The following CUBN variants were observed in gnomAD, a reference collection of about 807,000 sequenced individuals.
CUBN encodes the protein 460 kDa receptor.
CUBN carries 282 observed loss-of-function variants against 405.3 expected under a neutral mutation model. The ratio of observed to expected loss-of-function variants is 0.70; its 90% confidence interval spans 0.63 to 0.77. The LOEUF (loss-of-function observed/expected upper bound fraction) is 0.77. Ranked by LOEUF, CUBN falls within the 30% of genes least tolerant of loss-of-function variation. The probability of loss-of-function intolerance (pLI) is 0.00; values close to 1 mark genes in which losing one functional copy is unlikely to be tolerated. For synonymous variants in CUBN, 1,684 were observed against 1,617.0 expected (o/e 1.04, Z -0.99); for missense variants, 4,514 against 4,475.2 (o/e 1.01, Z -0.25).
At chr10:16,928,532 C>CCCCTTT (rs1403918589) in intron 40 of CUBN, among the ~76,000 whole-genome samples, 336 of 107,042 alleles carry the variant, frequency 3.1e-3, no homozygotes, top group Non-Finnish European at 3.9e-3. Context: ...CCACCCCCCC[C>CCCCTTT]TTTTTTTTTT....
intron 13 of CUBN, among the ~76,000 whole-genome samples, chr10:17,102,249 C>T (rs1458586235): frequency 7.3e-6 from 1 of 137,796 alleles, no homozygotes; most frequent in Non-Finnish European, 1.6e-5. Context: ...AAAGGAGGAT[C>T]CTCCTATTTA....
chr10:16,891,151 G>C (rs1429439303), intron 54 of CUBN, among the ~76,000 whole-genome samples: 1 of 152,164 alleles, frequency 6.6e-6, no homozygotes, highest in Non-Finnish European at 1.5e-5. Context: ...CACTTAATTG[G>C]TCTGGCCACC....
intron 38 of CUBN, 98 bp from the exon 39 acceptor site, chr10:16,937,882 CATAACAAAAA>C: frequency 1.8e-6 from 2 of 1,122,876 alleles, no homozygotes; most frequent in Non-Finnish European, 2.5e-6. Context: ...ACAATGTTAT[CATAACAAAAA>C]AATGACAAAT....
At chr10:17,113,436 A>G (rs1836814835) in intron 8 of CUBN, among the ~76,000 whole-genome samples, 3 of 146,594 alleles carry the variant, frequency 2.0e-5, no homozygotes, top group African/African-American at 5.1e-5. Flanking sequence ...AAAAAAAAAA[A>G]TGTGTGGAAT....
intron 9 of CUBN, among the ~76,000 whole-genome samples, chr10:17,110,399 G>A (rs1241549937): frequency 6.6e-6 from 1 of 152,122 alleles, no homozygotes; most frequent in Non-Finnish European, 1.5e-5. Context: ...AGTTTGTAAA[G>A]TTTGTTGTTT....
In CUBN at chr10:16,955,304, C is replaced by T. The variant is rs574113168; in HGVS notation, c.4696-756G>A. On this transcript the variant is annotated intron_variant, in intron 31 of 66. Transcript: ENST00000377833. Reference sequence around the variant, plus strand: ...AGGAGAATTGCTTGAACCTGGGAGGCGGAGGTTGCAGTGAGCTGAGATCCC... The same window carrying T: ...AGGAGAATTGCTTGAACCTGGGAGGTGGAGGTTGCAGTGAGCTGAGATCCC... Among the ~76,000 whole-genome samples the T allele has an allele frequency of 5.5e-4, 71 of 128,288 alleles. 1 individual carries two copies. Among genetic ancestry groups the T allele is most frequent in the African/African-American group, 1.8e-3 (65 of 35,712 alleles). The allele number at this position is 128,288 out of a possible 152,430, so 84.2% of individuals were successfully genotyped here.
rs536908846 is a variant in CUBN at position 16,974,814 on chromosome 10, A to G, written c.4695+7670T>C. 9.3e-4 allele frequency among the ~76,000 whole-genome samples: 141 copies of G among 152,324 alleles called. 1 individual carries two copies. Among genetic ancestry groups the G allele is most frequent in the African/African-American group, 3.3e-3 (136 of 41,564 alleles). ...CAACCCACTCAATGTGAAGATGATGAGGATGAAGACCTTTATGATGATCAA... is the reference window on the plus strand; with the variant it reads ...CAACCCACTCAATGTGAAGATGATGGGGATGAAGACCTTTATGATGATCAA... On this transcript the variant is annotated intron_variant, in intron 31 of 66. Coordinates refer to ENST00000377833, the MANE Select transcript of CUBN (RefSeq NM_001081.4).
chr10:16,947,218 C>T lies in CUBN; in HGVS notation c.5342+17G>A, dbSNP rs1221922791. On this transcript the variant is annotated intron_variant, in intron 36 of 66. Coordinates refer to ENST00000377833, the MANE Select transcript of CUBN (RefSeq NM_001081.4). The stretch of plus-strand genomic sequence containing the variant: ...ATTCATTAGCACTGAAACAATACAC[C>T]ATAAAAAAGGATTTACATAAAAGAC... 1 of 1,613,462 alleles carries T rather than the reference C, an allele frequency of 6.2e-7. No homozygotes were observed. The highest frequency in any genetic ancestry group is 1.3e-5 in the African/African-American group (1 of 74,864).
intron 60 of CUBN, among the ~76,000 whole-genome samples, chr10:16,842,796 C>T (rs1397982271): frequency 6.6e-6 from 1 of 152,246 alleles, no homozygotes; most frequent in Non-Finnish European, 1.5e-5. Flanking sequence ...GCCCCAGCTG[C>T]TCTGGCCTGT....
chr10:17,042,350 A>G (rs1299828085), intron 26 of CUBN, among the ~76,000 whole-genome samples: 1 of 152,164 alleles, frequency 6.6e-6, no homozygotes, highest in Non-Finnish European at 1.5e-5. Context: ...GGGCCCAGGA[A>G]AATACATTCC....
chr10:16,943,249 G>A (rs965814780), intron 36 of CUBN, among the ~76,000 whole-genome samples: 1 of 152,194 alleles, frequency 6.6e-6, no homozygotes, highest in African/African-American at 2.4e-5. Flanking sequence ...GTAAGCTGGT[G>A]GCTCTCAGAA....
Position 17,100,080 on chromosome 10 carries a change from G to T in CUBN, c.1690C>A (p.Leu564Ile). Residue 564 changes from leucine (L) to isoleucine (I), a missense_variant, in exon 14 of 67, where the codon CTC becomes ATC. Coordinates refer to ENST00000377833, the MANE Select transcript of CUBN (RefSeq NM_001081.4). ...PHELLSSDNA[L>I]YFHLYSEHLR... Reference sequence around the variant, plus strand: ...TGTTCAGAATAGAGATGAAAATAGAGAGCATTGTCACTGCTGAGGAGTTCA... The same window carrying T: ...TGTTCAGAATAGAGATGAAAATAGATAGCATTGTCACTGCTGAGGAGTTCA... 6.2e-7 allele frequency: 1 copy of T among 1,613,910 alleles called. No homozygotes were observed. The highest frequency in any genetic ancestry group is 1.1e-5 in the South Asian group (1 of 91,070).
intron 60 of CUBN, among the ~76,000 whole-genome samples, chr10:16,843,241 A>G (rs1839410661): frequency 6.6e-6 from 1 of 152,204 alleles, no homozygotes; most frequent in Non-Finnish European, 1.5e-5. Flanking sequence ...CCTGAAACAC[A>G]TAACTAGAAA....
At chr10:16,935,990 C>T (rs932627776) in intron 39 of CUBN, among the ~76,000 whole-genome samples, 41 of 151,396 alleles carry the variant, frequency 2.7e-4, no homozygotes, top group African/African-American at 1.0e-3. Context: ...ATGACACTTT[C>T]ACAGTGTGGT....
intron 28 of CUBN, among the ~76,000 whole-genome samples, chr10:16,991,177 A>AC (rs1833576632): frequency 6.6e-6 from 1 of 152,256 alleles, no homozygotes; most frequent in Admixed American, 6.5e-5. Context: ...GACCATGACA[A>AC]CAAATAATCA....
chr10:16,982,411 C>T, intron 31 of CUBN, 73 bp downstream of exon 31: 1 of 1,343,440 alleles, frequency 7.4e-7, no homozygotes, highest in Admixed American at 1.7e-5. Context: ...AATACATTCA[C>T]TAAATATGCT....
chr10:17,062,799 T>A (rs1464314849), intron 22 of CUBN, among the ~76,000 whole-genome samples: 2 of 152,242 alleles, frequency 1.3e-5, no homozygotes, highest in South Asian at 2.1e-4. Context: ...CCTGTTGGGC[T>A]GAGGAGCTAG....
intron 10 of CUBN, among the ~76,000 whole-genome samples, chr10:17,105,812 G>T (rs1395733140): frequency 6.6e-6 from 1 of 152,222 alleles, no homozygotes; most frequent in Non-Finnish European, 1.5e-5. Flanking sequence ...GTACTGGGTT[G>T]ACATGGGTGC....
chr10:16,910,179 T>C (rs1418718380), intron 48 of CUBN, among the ~76,000 whole-genome samples: 1 of 151,856 alleles, frequency 6.6e-6, no homozygotes, highest in African/African-American at 2.4e-5. Context: ...CTTCTTTTTT[T>C]CTCCTTCCCC....
Sources: allele counts gnomAD v4.1 joint callset (sites outside exome capture counted in the v4.1 genomes callset), GRCh38; gene constraint gnomAD v4.1.1; transcripts MANE v1.5; gene names NCBI Gene and HGNC (gene_info 2026-07-23, HGNC 2026-07-21).